STK32C: variants seen among roughly 807,000 people sequenced by gnomAD.
STK32C encodes the protein serine/threonine kinase 32C, also known as serine/threonine-protein kinase 32C.
STK32C carries 31 observed loss-of-function variants against 56.5 expected under a neutral mutation model. The observed-to-expected ratio is 0.55, with a 90% CI of 0.41 to 0.74. The LOEUF is 0.74. STK32C is among the 30% of genes least tolerant of loss of function. The pLI, the probability that STK32C is intolerant of heterozygous loss-of-function variation, is 0.00. For missense variants in STK32C, 544 were observed against 676.9 expected, an observed-to-expected ratio of 0.80 and a Z score of 2.18; for synonymous variants, 309 against 289.4, an observed-to-expected ratio of 1.07 and a Z score of -0.69.
intron 1 of STK32C, among the ~76,000 whole-genome samples, chr10:132,256,428 A>G (rs2064124631): frequency 6.6e-6 from 1 of 152,290 alleles, no homozygotes; most frequent in Non-Finnish European, 1.5e-5. Context: ...ATTGTCTGGA[A>G]TCATGTTCCG....
intron 2 of STK32C, among the ~76,000 whole-genome samples, chr10:132,240,024 G>A (rs2063445916): frequency 6.6e-6 from 1 of 152,250 alleles, no homozygotes. Flanking sequence ...GTTCACCCAG[G>A]CTGCCTTCCG....
At chr10:132,222,454 T>C (rs556283262) in intron 10 of STK32C, among the ~76,000 whole-genome samples, 187 bp downstream of exon 10, 1 of 152,240 alleles carries the variant, frequency 6.6e-6, no homozygotes, top group East Asian at 1.9e-4. Context: ...ACCTGCTTCA[T>C]AAGGAGCGAG....
chr10:132,270,920 T>C (rs368993906), intron 1 of STK32C, among the ~76,000 whole-genome samples: 1,595 of 150,210 alleles, frequency 0.011, 26 homozygotes, highest in African/African-American at 0.037. Context: ...GCAGCCCCCC[T>C]CCAGAGCAAC....
intron 1 of STK32C, among the ~76,000 whole-genome samples, chr10:132,297,477 G>C (rs2065786478): frequency 6.6e-6 from 1 of 152,190 alleles, no homozygotes; most frequent in African/African-American, 2.4e-5. Context: ...TGGGGCTGGG[G>C]TCCCAGGGTC....
chr10:132,331,759 G>A (rs2066759330), exon 1 of STK32C: 4 of 1,610,618 alleles, frequency 2.5e-6, no homozygotes, highest in Admixed American at 3.3e-5. Context: ...CTTCCCCTCT[G>A]TGCCAGGCCG....
intron 1 of STK32C, among the ~76,000 whole-genome samples, chr10:132,271,704 A>G (rs1590346309): frequency 1.3e-5 from 2 of 152,320 alleles, no homozygotes; most frequent in East Asian, 3.9e-4. Context: ...CAAAGCACAC[A>G]TCGGAGTGAC....
chr10:132,260,964 C>A (rs1032912635), intron 1 of STK32C, among the ~76,000 whole-genome samples: 1 of 152,248 alleles, frequency 6.6e-6, no homozygotes, highest in Non-Finnish European at 1.5e-5. Context: ...CCCTAGCCCA[C>A]AGAGCTCTAC....
chr10:132,298,447 G>A (rs893594547), intron 1 of STK32C, among the ~76,000 whole-genome samples: 2 of 152,242 alleles, frequency 1.3e-5, no homozygotes, highest in Non-Finnish European at 2.9e-5. Flanking sequence ...CAAGTCCACA[G>A]GTCCCACGGC....
chr10:132,317,985 A>G (rs961777163), intron 1 of STK32C, among the ~76,000 whole-genome samples: 4 of 151,218 alleles, frequency 2.6e-5, no homozygotes, highest in African/African-American at 9.7e-5. Context: ...AAAAAAAAAA[A>G]AAGTCTGGGC....
chr10:132,314,766 T>C (rs918272097), intron 1 of STK32C, among the ~76,000 whole-genome samples: 2 of 152,162 alleles, frequency 1.3e-5, no homozygotes, highest in African/African-American at 2.4e-5. Flanking sequence ...ACAAAGAATA[T>C]TATTAGAGAT....
chr10:132,295,611 C>A (rs56089104), intron 1 of STK32C, among the ~76,000 whole-genome samples: 2 of 152,352 alleles, frequency 1.3e-5, no homozygotes, highest in East Asian at 1.9e-4. Context: ...CCAGGCCGGG[C>A]GCAGTGGCTC....
At chr10:132,272,471 C>T (rs973405875) in intron 1 of STK32C, among the ~76,000 whole-genome samples, 20 of 152,262 alleles carry the variant, frequency 1.3e-4, no homozygotes, top group Non-Finnish European at 2.9e-5. Context: ...CTCCCTAGCT[C>T]ACACTGCCAC....
At chr10:132,331,355 GACCACGCGAGC>G in intron 1 of STK32C, 3 of 1,424,744 alleles carry the variant, frequency 2.1e-6, no homozygotes, top group Non-Finnish European at 1.9e-6. Context: ...GGTTCCACAG[GACCACGCGAGC>G]ACCTCCCCTC....
intron 1 of STK32C, among the ~76,000 whole-genome samples, chr10:132,267,940 G>A (rs1240820600): frequency 8.2e-6 from 1 of 122,610 alleles, no homozygotes; most frequent in Admixed American, 8.9e-5. Flanking sequence ...TATGCATGCA[G>A]GTTCAGCTCT....
chr10:132,265,656 G>A (rs2064494599), intron 1 of STK32C, among the ~76,000 whole-genome samples: 1 of 152,210 alleles, frequency 6.6e-6, no homozygotes, highest in Non-Finnish European at 1.5e-5. Flanking sequence ...GGCAGCCAGG[G>A]CACACACAAG....
At chr10:132,212,332 C>T (rs2062332448) in intron 10 of STK32C, among the ~76,000 whole-genome samples, 1 of 152,224 alleles carries the variant, frequency 6.6e-6, no homozygotes. Context: ...AGAATCCTCT[C>T]TTCAGCAAAT....
intron 2 of STK32C, among the ~76,000 whole-genome samples, chr10:132,234,747 A>T (rs2063216461): frequency 6.6e-6 from 1 of 152,188 alleles, no homozygotes; most frequent in Non-Finnish European, 1.5e-5. Context: ...TGTGGCTCTC[A>T]TGAGCTGCTG....
At chr10:132,314,646 A>C (rs2066281140) in intron 1 of STK32C, among the ~76,000 whole-genome samples, 1 of 152,222 alleles carries the variant, frequency 6.6e-6, no homozygotes, top group Non-Finnish European at 1.5e-5. Context: ...TAACCTAAAC[A>C]CTAAAAAAGA....
At chr10:132,249,162 G>T in intron 1 of STK32C, 1 of 422,710 alleles carries the variant, frequency 2.4e-6, no homozygotes, top group South Asian at 1.7e-5. Flanking sequence ...GGGCGTGCAG[G>T]GGGCGGGGCT....
Sources: gnomAD v4.1 joint callset for allele counts (sites outside exome capture counted in the v4.1 genomes callset) on GRCh38, gnomAD v4.1.1 for gene constraint, MANE v1.5 for transcripts, NCBI Gene and HGNC (gene_info 2026-07-23, HGNC 2026-07-21) for gene names.